LY9: variants seen among roughly 807,000 people sequenced by gnomAD.
LY9 encodes the protein T-lymphocyte surface antigen Ly-9.
In LY9, 59 loss-of-function variants were observed where a neutral mutation model predicts 64.6. The observed-to-expected ratio is 0.91, with a 90% confidence interval of 0.74 to 1.13. LY9 has a LOEUF of 1.13. LY9 is among the 50% of genes most tolerant of loss of function. The pLI, the probability that LY9 is intolerant of heterozygous loss-of-function variation, is 0.00. For missense variants in LY9, 789 were observed against 797.2 expected (o/e 0.99, Z 0.12); for synonymous variants, 281 against 308.5 (o/e 0.91, Z 0.93).
Position 160,828,065 on chromosome 1 carries a change from A to G in LY9, c.*249A>G, listed in dbSNP as rs1454506444. ...CTTTGCCCCATTTGTCACCTCGCAC[A>G]CTTATAGCGTTTCCTCCTCGAAATT... is the stretch of plus-strand genomic sequence containing the variant. On this transcript the variant is annotated 3_prime_UTR_variant, in exon 10 of 10. Transcript: ENST00000263285. 2.4e-5 allele frequency: 7 copies of G among 290,622 alleles called. No homozygotes were observed. Among genetic ancestry groups the G allele is most frequent in the Middle Eastern group, 9.4e-4 (1 of 1,066 alleles). The allele number at this position is 290,622 out of a possible 1,614,324, so 18.0% of individuals were successfully genotyped here. A position where few individuals can be genotyped will look rare whatever the true frequency, so the allele number is the denominator to read the frequency against.
chr1:160,825,676 G>A (rs529732218), intron 9 of LY9, among the ~76,000 whole-genome samples: 7 of 152,268 alleles, frequency 4.6e-5, no homozygotes, highest in Middle Eastern at 3.4e-3. Context: ...TTGGGAGGCC[G>A]AGGCAGGTGG....
intron 3 of LY9, 112 bp downstream of exon 3, chr1:160,814,023 A>G: frequency 8.5e-7 from 1 of 1,177,096 alleles, no homozygotes; most frequent in Non-Finnish European, 1.2e-6. Context: ...AAGCAAGAGG[A>G]CAGGCCCCAA....
Position 160,796,178 on chromosome 1 carries a change from A to C in LY9, c.-10A>C. On this transcript the variant is annotated 5_prime_UTR_variant, in exon 1 of 10. Transcript: ENST00000263285. Reference sequence around the variant, plus strand: ...TCCTCCTTCAGTCTCAGTTCTGAAAATAGATCATCATGGTGGCACCAAAGA... The same window carrying C: ...TCCTCCTTCAGTCTCAGTTCTGAAACTAGATCATCATGGTGGCACCAAAGA... 6.2e-7 allele frequency: 1 copy of C among 1,613,386 alleles called. No individual in the cohort carries two copies. The highest frequency in any genetic ancestry group is 8.5e-7 in the Non-Finnish European group (1 of 1,179,734).
chr1:160,799,406 T>C, intron 1 of LY9: 1 of 189,434 alleles, frequency 5.3e-6, no homozygotes, highest in Non-Finnish European at 1.1e-5. Context: ...TTTTACCATA[T>C]CCCTTGAAGA....
At chr1:160,802,681 A>C (rs988788294) in intron 2 of LY9, 2 of 980,634 alleles carry the variant, frequency 2.0e-6, no homozygotes, top group Non-Finnish European at 1.2e-6. Context: ...ATTAAACTGC[A>C]CATGGTCTCT....
At position 160,814,400 on chromosome 1, in the gene LY9, T is replaced by G; in HGVS notation, c.731-20T>G. On this transcript the variant is annotated intron_variant, in intron 3 of 9. Transcript: ENST00000263285. ...GTAGGGACAGTGACTGAAGCTGCAA[T>G]GTCTCATCTGTGACCCCAGATCCAG... The G allele has an allele frequency of 1.5e-5, 23 of 1,569,008 alleles. No individual in the cohort carries two copies. Among genetic ancestry groups the G allele is most frequent in the Non-Finnish European group, 1.8e-5 (21 of 1,149,416 alleles).
At chr1:160,826,933 A>G (rs1668882785) in intron 9 of LY9, among the ~76,000 whole-genome samples, 1 of 152,200 alleles carries the variant, frequency 6.6e-6, no homozygotes. Flanking sequence ...TCTGAGTTTC[A>G]GAATGACCAC....
chr1:160,797,879 A>G (rs1196396350), intron 1 of LY9, among the ~76,000 whole-genome samples: 1 of 152,110 alleles, frequency 6.6e-6, no homozygotes. Flanking sequence ...ACACACACAC[A>G]CACACACACA....
At chr1:160,812,325 G>A (rs939476160) in intron 2 of LY9, 1 of 152,156 alleles carries the variant, frequency 6.6e-6, no homozygotes, top group African/African-American at 2.4e-5. Flanking sequence ...TCCAAATATA[G>A]TTCTATCTTC....
At chr1:160,807,308 T>C (rs481243) in intron 2 of LY9, among the ~76,000 whole-genome samples, 152,251 of 152,322 alleles carry the variant, frequency 1, 76,090 homozygotes, top group Middle Eastern at 1. Flanking sequence ...AGTATAGTAT[T>C]TGTATGATTT....
chr1:160,820,842 G>GT (rs34903114), intron 7 of LY9, among the ~76,000 whole-genome samples: 98,606 of 145,552 alleles, frequency 0.68, 33,826 homozygotes, highest in Non-Finnish European at 0.77. Flanking sequence ...TAATTGAATA[G>GT]TTTTTTTTTT....
At chr1:160,820,291 G>A (rs932696876) in intron 7 of LY9, among the ~76,000 whole-genome samples, 1 of 152,132 alleles carries the variant, frequency 6.6e-6, no homozygotes, top group Non-Finnish European at 1.5e-5. Flanking sequence ...GGGGAGCTGA[G>A]ATGCCTGCCT....
rs763110172 is a variant in LY9 at position 160,814,648 on chromosome 1, G to T, written c.959G>T (p.Cys320Phe). 4 of 1,614,116 alleles carry T rather than the reference G, an allele frequency of 2.5e-6. No homozygotes were observed. Among genetic ancestry groups the T allele is most frequent in the Non-Finnish European group, 3.4e-6 (4 of 1,180,010 alleles). The change falls in exon 4 of 10, where the codon TGC (cysteine) becomes TTC (phenylalanine). Residue 320 changes from cysteine to phenylalanine, a missense_variant. By Grantham distance (205) the Cys-to-Phe change is radical. Coordinates refer to ENST00000263285, the MANE Select transcript of LY9 (RefSeq NM_002348.4). ...AGGGTGTGGGTCTCCAGCCAGGACT[G>T]CTCCCTGAAGATCAGCCAGCTGAAG... The part of the protein sequence containing the change: ...KNRVWVSSQD[C>F]SLKISQLKIE...
intron 2 of LY9, among the ~76,000 whole-genome samples, chr1:160,805,679 T>C (rs1389843842): frequency 2.0e-5 from 3 of 151,906 alleles, no homozygotes; most frequent in Non-Finnish European, 2.9e-5. Flanking sequence ...CTCTGTCTAA[T>C]GCTGAGAGTG....
At chr1:160,822,426 C>T (rs1668541417) in intron 7 of LY9, among the ~76,000 whole-genome samples, 1 of 152,148 alleles carries the variant, frequency 6.6e-6, no homozygotes, top group Non-Finnish European at 1.5e-5. Flanking sequence ...AGTTTATTGG[C>T]ACCATCTTAT....
intron 9 of LY9, among the ~76,000 whole-genome samples, 184 bp from the exon 10 acceptor site, chr1:160,827,564 C>T (rs1668925285): frequency 6.6e-6 from 1 of 152,168 alleles, no homozygotes. Context: ...ACAGCCTTTC[C>T]TATTAGGAGC....
intron 1 of LY9, among the ~76,000 whole-genome samples, chr1:160,797,642 T>C (rs1666016480): frequency 6.6e-6 from 1 of 152,212 alleles, no homozygotes; most frequent in Non-Finnish European, 1.5e-5. Flanking sequence ...AATCTCACTC[T>C]TTTGGTCTGA....
intron 2 of LY9, chr1:160,812,952 C>G (rs4656934): frequency 0.64 from 96,638 of 152,026 alleles, 31,407 homozygotes; most frequent in Middle Eastern, 0.71. Context: ...GGGTGTGGTG[C>G]TGTGTGCCTG....
intron 4 of LY9, chr1:160,815,269 G>A (rs1667856318): frequency 6.5e-6 from 1 of 153,772 alleles, no homozygotes; most frequent in Non-Finnish European, 1.4e-5. Context: ...GAACCCCAAG[G>A]GGCGGAGGTT....
Sources: allele counts gnomAD v4.1 joint callset (sites outside exome capture counted in the v4.1 genomes callset), GRCh38; gene constraint gnomAD v4.1.1; transcripts MANE v1.5; gene names NCBI Gene and HGNC (gene_info 2026-07-23, HGNC 2026-07-21).